NKAIN2: variants seen among roughly 807,000 people sequenced by gnomAD.
NKAIN2 encodes sodium/potassium-transporting ATPase subunit beta-1-interacting protein 2.
Under a neutral mutation model 32.6 loss-of-function variants are expected in NKAIN2, and 14 were observed. That is an observed-to-expected ratio of 0.43 (90% CI 0.28 to 0.67). The LOEUF (loss-of-function observed/expected upper bound fraction) is 0.67, where lower values mean the gene tolerates loss of function less well. Among genes scored for constraint, NKAIN2 ranks in the 30% least tolerant of loss-of-function variants. The pLI is 0.17. For synonymous variants in NKAIN2, 80 were observed against 87.2 expected (o/e 0.92, Z 0.46); for missense variants, 198 against 258.3 (o/e 0.77, Z 1.60).
intron 3 of NKAIN2, among the ~76,000 whole-genome samples, chr6:124,628,120 T>G (rs764870055): frequency 2.0e-5 from 3 of 152,166 alleles, no homozygotes; most frequent in Non-Finnish European, 2.9e-5. Flanking sequence ...CCTTCTGTAT[T>G]CCTTTGTTCA....
intron 1 of NKAIN2, among the ~76,000 whole-genome samples, chr6:123,877,230 G>C (rs1388634808): frequency 2.6e-5 from 4 of 152,150 alleles, no homozygotes; most frequent in Admixed American, 2.6e-4. Flanking sequence ...TTAAAATCAA[G>C]TGTGCATATT....
intron 1 of NKAIN2, among the ~76,000 whole-genome samples, chr6:124,051,334 G>A (rs950486264): frequency 1.3e-5 from 2 of 152,010 alleles, no homozygotes; most frequent in Admixed American, 6.6e-5. Context: ...ACAGTTACAT[G>A]AGAGTTCAGA....
At chr6:123,868,113 C>T (rs1362072174) in intron 1 of NKAIN2, among the ~76,000 whole-genome samples, 3 of 152,056 alleles carry the variant, frequency 2.0e-5, no homozygotes, top group Non-Finnish European at 4.4e-5. Flanking sequence ...TGTGATCTGC[C>T]CACCTTGGCC....
rs1340926691 is a variant in NKAIN2 at position 124,730,432 on chromosome 6, C to G, written c.475-60907C>G. Among the ~76,000 whole-genome samples the G allele has an allele frequency of 1.2e-4, 12 of 96,308 alleles. 3 individuals carry two copies. Among genetic ancestry groups the G allele is most frequent in the South Asian group, 3.6e-4 (1 of 2,760 alleles). 63.2% of individuals were successfully genotyped at this position (96,308 alleles called of 152,430 possible). A position where few individuals can be genotyped will look rare whatever the true frequency, so the allele number is the denominator to read the frequency against. ...ATATCTAAAACTATCTGATCTTTGACAAACCTGAGAAAAACAAGCAATGGG... is the reference window on the plus strand; with the variant it reads ...ATATCTAAAACTATCTGATCTTTGAGAAACCTGAGAAAAACAAGCAATGGG... On this transcript the variant is annotated intron_variant, in intron 4 of 6. Coordinates refer to ENST00000368417, the MANE Select transcript of NKAIN2 (RefSeq NM_001040214.3).
At chr6:124,523,156 G>GA (rs68142561) in intron 3 of NKAIN2, among the ~76,000 whole-genome samples, 124,745 of 140,414 alleles carry the variant, frequency 0.89, 57,289 homozygotes, top group East Asian at 1. Context: ...AAAAAAAAAA[G>GA]AAAAAAGATC....
chr6:124,455,433 T>C (rs1356076689), intron 3 of NKAIN2, among the ~76,000 whole-genome samples: 2 of 151,988 alleles, frequency 1.3e-5, no homozygotes, highest in African/African-American at 4.8e-5. Context: ...TTCGAAATGA[T>C]ATTGAGCTCT....
intron 3 of NKAIN2, among the ~76,000 whole-genome samples, chr6:124,412,195 G>C (rs187970721): frequency 1.3e-5 from 2 of 152,114 alleles, no homozygotes; most frequent in African/African-American, 4.8e-5. Context: ...GTCAGTCTCC[G>C]TCCAGCTTTG....
intron 1 of NKAIN2, among the ~76,000 whole-genome samples, chr6:124,219,541 G>A (rs1791692697): frequency 6.6e-6 from 1 of 151,946 alleles, no homozygotes; most frequent in Non-Finnish European, 1.5e-5. Flanking sequence ...GCCTCCCAAA[G>A]TGCTGGGATT....
intron 1 of NKAIN2, among the ~76,000 whole-genome samples, chr6:124,024,930 T>C (rs1158671239): frequency 6.6e-6 from 1 of 151,356 alleles, no homozygotes; most frequent in Non-Finnish European, 1.5e-5. Context: ...GAGGTTGCAG[T>C]GAGCCAGGAT....
intron 2 of NKAIN2, among the ~76,000 whole-genome samples, chr6:124,290,055 CA>C (rs10681237): frequency 2.0e-5 from 3 of 148,998 alleles, no homozygotes; most frequent in African/African-American, 2.5e-5. Context: ...AGGGAGAAAA[CA>C]AAAAAAAACA....
intron 4 of NKAIN2, among the ~76,000 whole-genome samples, chr6:124,777,762 C>A (rs892922249): frequency 1.7e-4 from 26 of 152,104 alleles, no homozygotes; most frequent in African/African-American, 5.8e-4. Context: ...AGCTGAGGAC[C>A]TTTTAGAGTG....
intron 1 of NKAIN2, among the ~76,000 whole-genome samples, chr6:124,237,775 T>G (rs1792856188): frequency 6.6e-6 from 1 of 152,060 alleles, no homozygotes; most frequent in South Asian, 2.1e-4. Flanking sequence ...ATATCTTGAA[T>G]GTATGAGGCA....
chr6:124,667,860 A>T (rs1411205794), intron 4 of NKAIN2, among the ~76,000 whole-genome samples: 3 of 151,910 alleles, frequency 2.0e-5, no homozygotes, highest in African/African-American at 4.8e-5. Context: ...TTTACACAGT[A>T]AAAAAAGAGC....
chr6:124,752,147 C>G (rs532208972), intron 4 of NKAIN2, among the ~76,000 whole-genome samples: 76 of 152,032 alleles, frequency 5.0e-4, no homozygotes, highest in African/African-American at 1.8e-3. Flanking sequence ...GAGGTTACAA[C>G]CCCACATCAT....
intron 1 of NKAIN2, among the ~76,000 whole-genome samples, chr6:124,198,089 A>G (rs1032803958): frequency 1.3e-5 from 2 of 151,962 alleles, no homozygotes; most frequent in African/African-American, 2.4e-5. Flanking sequence ...ACGAGTTTAA[A>G]TAACTCTAGA....
At chr6:124,396,849 T>A (rs546148704) in intron 3 of NKAIN2, among the ~76,000 whole-genome samples, 15 of 152,316 alleles carry the variant, frequency 9.8e-5, no homozygotes, top group African/African-American at 3.4e-4. Context: ...AAAAGATGAA[T>A]TCTATTTGTT....
rs556898853 is a variant in NKAIN2, at chr6:124,079,466, A to AAT, written c.55-203535_55-203534dup. Among the ~76,000 whole-genome samples the AAT allele has an allele frequency of 3.2e-4, 48 of 152,292 alleles. No individual in the cohort carries two copies. The East Asian group carries it at 9.3e-3, about 29-fold the overall frequency. On this transcript the variant is annotated intron_variant, in intron 1 of 6. Transcript: ENST00000368417. ...AGATCTATTCTGTCCTCCATATGAA[A>AAT]ATATAAATCATGGTCTCATTTGTTT... is the stretch of plus-strand genomic sequence containing the variant.
intron 1 of NKAIN2, among the ~76,000 whole-genome samples, chr6:123,952,945 T>C (rs1326209368): frequency 6.6e-6 from 1 of 152,200 alleles, no homozygotes. Flanking sequence ...ATTTCCCTGC[T>C]TTTTCCTGTT....
chr6:124,823,357 C>G lies in NKAIN2; in HGVS notation c.*128C>G. ...CATACACGTATTAACAAAACAAATGCAAAGCCTCTACATACAACACTGACA... is the reference window on the plus strand; with the variant it reads ...CATACACGTATTAACAAAACAAATGGAAAGCCTCTACATACAACACTGACA... On this transcript the variant is annotated 3_prime_UTR_variant, in exon 7 of 7. Transcript: ENST00000368417. 1.3e-6 allele frequency: 1 copy of G among 749,718 alleles called. No homozygotes were observed. The highest frequency in any genetic ancestry group is 2.4e-6 in the Non-Finnish European group (1 of 412,238). 46.4% of individuals were successfully genotyped at this position (749,718 alleles called of 1,614,324 possible).
Sources: gnomAD v4.1 joint callset for allele counts (sites outside exome capture counted in the v4.1 genomes callset) on GRCh38, gnomAD v4.1.1 for gene constraint, MANE v1.5 for transcripts, NCBI Gene and HGNC (gene_info 2026-07-23, HGNC 2026-07-21) for gene names.